The following ANKRD39 variants were observed in gnomAD, a reference collection of about 807,000 sequenced individuals.
ANKRD39 encodes ankyrin repeat domain 39.
In ANKRD39, 18 loss-of-function variants were observed where a neutral mutation model predicts 20.3. The ratio of observed to expected loss-of-function variants is 0.89; its 90% confidence interval spans 0.61 to 1.32. The LOEUF (loss-of-function observed/expected upper bound fraction) is 1.32. Ranked by LOEUF, ANKRD39 falls within the 40% of genes most tolerant of loss-of-function variation. The pLI, the probability that ANKRD39 is intolerant of heterozygous loss-of-function variation, is 0.00. For synonymous variants in ANKRD39, 106 were observed against 111.9 expected (o/e 0.95, Z 0.33); for missense variants, 243 against 250.7 (o/e 0.97, Z 0.21).
chr2:96,857,363 T>A (rs2079870462), intron 1 of ANKRD39, among the ~76,000 whole-genome samples: 1 of 152,192 alleles, frequency 6.6e-6, no homozygotes, highest in Non-Finnish European at 1.5e-5. Flanking sequence ...GGGCCAAACG[T>A]GTTACCTCTC....
At chr2:96,853,324 C>T in intron 3 of ANKRD39, 77 bp downstream of exon 3, 1 of 1,466,598 alleles carries the variant, frequency 6.8e-7, no homozygotes, top group East Asian at 2.5e-5. Context: ...TTCCTGTTTT[C>T]CCCATGTTTT....
chr2:96,855,677 C>A (rs543049481), intron 1 of ANKRD39, among the ~76,000 whole-genome samples: 1 of 144,830 alleles, frequency 6.9e-6, no homozygotes, highest in Non-Finnish European at 1.5e-5. Flanking sequence ...GAGCCAAGAT[C>A]GCACCACTGC....
intron 3 of ANKRD39, among the ~76,000 whole-genome samples, chr2:96,852,339 A>T (rs2079841809): frequency 6.7e-6 from 1 of 148,502 alleles, no homozygotes; most frequent in African/African-American, 2.5e-5. Flanking sequence ...GTGAGTTATA[A>T]TCATGCCACT....
intron 3 of ANKRD39, among the ~76,000 whole-genome samples, chr2:96,851,576 C>A (rs2079837156): frequency 6.6e-6 from 1 of 152,192 alleles, no homozygotes; most frequent in African/African-American, 2.4e-5. Context: ...CAGGTGTGAG[C>A]CTTTGTGCCC....
intron 1 of ANKRD39, 138 bp from the exon 2 acceptor site, chr2:96,854,579 T>C: frequency 1.2e-6 from 1 of 813,976 alleles, no homozygotes; most frequent in Non-Finnish European, 2.0e-6. Flanking sequence ...GCACCTCCTC[T>C]GTGTCAAGGT....
At chr2:96,848,499 T>C in intron 3 of ANKRD39, 55 bp from the exon 4 acceptor site, 1 of 1,595,180 alleles carries the variant, frequency 6.3e-7, no homozygotes, top group Non-Finnish European at 8.6e-7. Flanking sequence ...GGCTCTGCTC[T>C]CTCTTGTTCC....
intron 3 of ANKRD39, among the ~76,000 whole-genome samples, chr2:96,853,174 T>C (rs1310661837): frequency 2.0e-5 from 3 of 152,168 alleles, no homozygotes; most frequent in Non-Finnish European, 2.9e-5. Context: ...GACATGTCTC[T>C]AAGGGAAAGA....
At chr2:96,852,386 C>CAAA (rs1232527949) in intron 3 of ANKRD39, among the ~76,000 whole-genome samples, 907 of 45,432 alleles carry the variant, frequency 0.02, 44 homozygotes, top group African/African-American at 0.062. Context: ...GACCCTGTCT[C>CAAA]AAAAAAAAAA....
intron 3 of ANKRD39, among the ~76,000 whole-genome samples, chr2:96,850,525 C>T (rs1278621984): frequency 2.6e-5 from 4 of 151,772 alleles, no homozygotes; most frequent in South Asian, 4.2e-4. Context: ...ATTAGCCAGG[C>T]GTGGTGGTGC....
chr2:96,853,837 A>G (rs1200658290), intron 2 of ANKRD39, among the ~76,000 whole-genome samples: 1 of 152,194 alleles, frequency 6.6e-6, no homozygotes. Context: ...AAATAAAACT[A>G]AATCATTGGC....
At chr2:96,853,708 A>G (rs979167986) in intron 2 of ANKRD39, 104 bp from the exon 3 acceptor site, 22 of 1,157,406 alleles carry the variant, frequency 1.9e-5, no homozygotes, top group Middle Eastern at 5.6e-4. Context: ...GCCTGGAATC[A>G]TCTCAGGTGC....
At position 96,848,316 on chromosome 2, in the gene ANKRD39, G is replaced by T; in HGVS notation, c.537C>A (p.Asp179Glu). The stretch of plus-strand genomic sequence containing the variant: ...GGGTGGCGGCTCAGCTGGATAGCAG[G>T]TCCCGCAGGTCACTGTTGCAAGGCA... ...DLLPCNSDLR[D>E]LLSS Residue 179 changes from aspartate (D) to glutamate (E), a missense_variant, in exon 4 of 4, where the codon GAC (aspartate) becomes GAA (glutamate). Physicochemically the swap from Asp to Glu is conservative, Grantham distance 45. Transcript: ENST00000393537. 6 of 1,614,114 alleles carry T rather than the reference G, an allele frequency of 3.7e-6. No homozygotes were observed. Among genetic ancestry groups the T allele is most frequent in the Non-Finnish European group, 5.1e-6 (6 of 1,180,002 alleles).
chr2:96,853,626 G>A (rs1393133277), intron 2 of ANKRD39, 22 bp from the exon 3 acceptor site: 2 of 1,608,740 alleles, frequency 1.2e-6, no homozygotes, highest in Admixed American at 1.7e-5. Flanking sequence ...AGAGACCGAG[G>A]TCAGATGGGA....
rs17852947 is a variant in ANKRD39 at position 96,853,472 on chromosome 2, C to T, written c.337G>A (p.Ala113Thr). 69 of 1,606,700 alleles carry T rather than the reference C, an allele frequency of 4.3e-5. No homozygotes were observed. The highest frequency in any genetic ancestry group is 4.2e-4 in the African/African-American group (31 of 74,674). ...GACCCATGTGATAGCAGGAGCCGCGCGATTTCAGTGTGCCCGCAGTAGCTG... is the reference window on the plus strand; with the variant it reads ...GACCCATGTGATAGCAGGAGCCGCGTGATTTCAGTGTGCCCGCAGTAGCTG... The part of the protein sequence containing the change: ...RASYCGHTEI[A>T]RLLLSHGSNP... The change falls in exon 3 of 4, where the codon GCG (alanine) becomes ACG (threonine). Residue 113 changes from alanine to threonine, a missense_variant. By Grantham distance (58) the Ala-to-Thr change is moderately conservative. Coordinates refer to ENST00000393537, the MANE Select transcript of ANKRD39 (RefSeq NM_016466.6).
chr2:96,850,731 C>T (rs1421997946), intron 3 of ANKRD39, among the ~76,000 whole-genome samples: 1 of 151,662 alleles, frequency 6.6e-6, no homozygotes, highest in African/African-American at 2.4e-5. Flanking sequence ...ACATATCTCA[C>T]ATTTGCATTA....
chr2:96,854,385 T>G lies in ANKRD39; in HGVS notation c.157A>C (p.Lys53Gln). ...DLGRVKHLIQ[K>Q]AEDPSQPDSA... ...TCGGGCTGACTTGGGTCCTCGGCCT[T>G]CTGGATTAAATGCTTCACTCGGCCC... The change falls in exon 2 of 4, where the codon AAG becomes CAG. Residue 53 changes from lysine to glutamine, a missense_variant. Coordinates refer to ENST00000393537, the MANE Select transcript of ANKRD39 (RefSeq NM_016466.6). 1 of 1,614,140 alleles carries G rather than the reference T, an allele frequency of 6.2e-7. No homozygotes were observed. Among genetic ancestry groups the G allele is most frequent in the Non-Finnish European group, 8.5e-7 (1 of 1,180,024 alleles).
In ANKRD39 at chr2:96,854,342, G is replaced by A. The variant is rs377379910; in HGVS notation, c.200C>T (p.Ala67Val). ...PSQPDSAGYT[A>V]LHYASRNGHY... ...CTGTGCTCCTCCCTAGCTCACCAGC[G>A]CAGTGTAGCCGGCCGAGTCGGGCTG... Residue 67 changes from alanine to valine, a missense_variant, in exon 2 of 4, where the codon GCG becomes GTG. Coordinates refer to ENST00000393537, the MANE Select transcript of ANKRD39 (RefSeq NM_016466.6). The A allele has an allele frequency of 3.0e-5, 48 of 1,613,866 alleles. No homozygotes were observed. The highest frequency in any genetic ancestry group is 3.5e-5 in the Non-Finnish European group (41 of 1,179,966).
intron 3 of ANKRD39, among the ~76,000 whole-genome samples, chr2:96,852,971 G>A (rs952618532): frequency 6.6e-6 from 1 of 152,190 alleles, no homozygotes; most frequent in Non-Finnish European, 1.5e-5. Flanking sequence ...TGAGGGATGA[G>A]GAGCTGGGTG....
intron 1 of ANKRD39, 144 bp downstream of exon 1, chr2:96,857,744 G>A (rs1284319812): frequency 3.5e-6 from 3 of 852,696 alleles, no homozygotes; most frequent in Non-Finnish European, 5.3e-6. Flanking sequence ...CGGGAACCGT[G>A]GGTCCCGCCC....
Sources: allele counts gnomAD v4.1 joint callset (sites outside exome capture counted in the v4.1 genomes callset), GRCh38; gene constraint gnomAD v4.1.1; transcripts MANE v1.5; gene names NCBI Gene and HGNC (gene_info 2026-07-23, HGNC 2026-07-21).